Variants in BLTP3B observed in about 807,000 individuals in gnomAD.
BLTP3B encodes bridge-like lipid transfer protein family member 3B, also known as UHRF1 (ICBP90) binding protein 1-like.
At chr12:100,045,862 G>A in the BLTP3B span, among the ~76,000 whole-genome samples, 1 of 152,030 alleles carries the variant, frequency 6.6e-6, no homozygotes, top group Non-Finnish European at 1.5e-5. Flanking sequence ...AATCTACAAA[G>A]AACTTAAACA....
chr12:100,136,810 CTTTTT>C, the BLTP3B span, among the ~76,000 whole-genome samples: 4 of 147,718 alleles, frequency 2.7e-5, no homozygotes, highest in East Asian at 5.9e-4. Context: ...TCTTTTTTTT[CTTTTT>C]TTTTATTTTT....
chr12:100,142,835 C>T, the BLTP3B span: 21 of 679,824 alleles, frequency 3.1e-5, no homozygotes, highest in Middle Eastern at 4.3e-4. Context: ...CCACGGCCGC[C>T]GCGGGCGCCA....
At chr12:100,082,044 TC>T in the BLTP3B span, among the ~76,000 whole-genome samples, 3 of 152,188 alleles carry the variant, frequency 2.0e-5, no homozygotes, top group African/African-American at 7.2e-5. Context: ...GTATAAGCAT[TC>T]CCTTTTCTCC....
chr12:100,127,604 T>G, the BLTP3B span, among the ~76,000 whole-genome samples: 3 of 152,200 alleles, frequency 2.0e-5, no homozygotes, highest in Admixed American at 6.5e-5. Flanking sequence ...TGAAAGAAAT[T>G]CAGCACCATT....
the BLTP3B span, chr12:100,083,054 A>T: frequency 6.2e-7 from 1 of 1,613,850 alleles, no homozygotes; most frequent in Non-Finnish European, 8.5e-7. Flanking sequence ...ACCACAACAG[A>T]ACTAGACATT....
chr12:100,099,536 T>C, the BLTP3B span, among the ~76,000 whole-genome samples: 1 of 149,000 alleles, frequency 6.7e-6, no homozygotes, highest in East Asian at 2.0e-4. Flanking sequence ...CACTTGAACC[T>C]AGGAGTTCAA....
At chr12:100,090,769 C>A in the BLTP3B span, among the ~76,000 whole-genome samples, 2 of 152,110 alleles carry the variant, frequency 1.3e-5, no homozygotes. Context: ...ATATCAAACA[C>A]TTTTTCTCCT....
the BLTP3B span, chr12:100,084,503 G>A: frequency 1.1e-5 from 18 of 1,613,808 alleles, no homozygotes; most frequent in South Asian, 1.9e-4. Context: ...GGAGAGGCAT[G>A]TGTTGGGGAT....
chr12:100,047,818 A>C, the BLTP3B span: 1 of 1,198,864 alleles, frequency 8.3e-7, no homozygotes, highest in South Asian at 1.7e-5. Context: ...TTTACCAAAA[A>C]AGACAAAATC....
At chr12:100,038,896 C>T in the BLTP3B span, among the ~76,000 whole-genome samples, 1 of 152,102 alleles carries the variant, frequency 6.6e-6, no homozygotes, top group African/African-American at 2.4e-5. Context: ...GAATTCTTGC[C>T]TTATCGACCA....
the BLTP3B span, among the ~76,000 whole-genome samples, chr12:100,078,624 A>C: frequency 6.6e-6 from 1 of 152,166 alleles, no homozygotes. Context: ...CCAATACTTC[A>C]TGCATATTGT....
At chr12:100,117,486 G>A in the BLTP3B span, among the ~76,000 whole-genome samples, 1 of 151,844 alleles carries the variant, frequency 6.6e-6, no homozygotes, top group Admixed American at 6.6e-5. Context: ...TTATTTTGAG[G>A]CAGTCTCGTT....
chr12:100,093,678 TC>T, the BLTP3B span, among the ~76,000 whole-genome samples: 2 of 152,184 alleles, frequency 1.3e-5, no homozygotes, highest in Non-Finnish European at 2.9e-5. Context: ...CAGCCTGACA[TC>T]TTAATGCAAC....
the BLTP3B span, among the ~76,000 whole-genome samples, chr12:100,134,449 T>TA: frequency 6.6e-6 from 1 of 151,444 alleles, no homozygotes; most frequent in African/African-American, 2.4e-5. Context: ...CTACTAAAAA[T>TA]AAAAAATGTA....
the BLTP3B span, among the ~76,000 whole-genome samples, chr12:100,075,702 A>G: frequency 6.6e-6 from 1 of 152,262 alleles, no homozygotes; most frequent in Non-Finnish European, 1.5e-5. Flanking sequence ...TCAAAAGAAG[A>G]CATATGTGCA....
chr12:100,058,937 C>G, the BLTP3B span: 2 of 1,614,000 alleles, frequency 1.2e-6, no homozygotes, highest in South Asian at 1.1e-5. Flanking sequence ...CACCATTTGT[C>G]AAAGGCTCAG....
chr12:100,101,639 T>G, the BLTP3B span, among the ~76,000 whole-genome samples: 1 of 152,276 alleles, frequency 6.6e-6, no homozygotes, highest in African/African-American at 2.4e-5. Flanking sequence ...TTTTAAAAAT[T>G]TAATAACTTC....
At chr12:100,057,772 A>G in the BLTP3B span, 2 of 1,556,894 alleles carry the variant, frequency 1.3e-6, no homozygotes. Context: ...TTAGAAAATT[A>G]TTACATATAG....
the BLTP3B span, among the ~76,000 whole-genome samples, chr12:100,040,445 G>A: frequency 6.6e-6 from 1 of 152,214 alleles, no homozygotes; most frequent in Non-Finnish European, 1.5e-5. Context: ...ACTTTGGGAG[G>A]CCAAGACGGG....
Sources: gnomAD v4.1 joint callset for allele counts (sites outside exome capture counted in the v4.1 genomes callset) on GRCh38, gnomAD v4.1.1 for gene constraint, MANE v1.5 for transcripts, NCBI Gene and HGNC (gene_info 2026-07-23, HGNC 2026-07-21) for gene names.